The following CASP8 variants were observed in gnomAD, a reference collection of about 807,000 sequenced individuals.
CASP8 encodes the protein caspase 8.
CASP8 carries 24 observed loss-of-function variants against 46.3 expected under a neutral mutation model. The observed-to-expected ratio is 0.52, with a 90% CI of 0.38 to 0.73. The LOEUF is 0.73. Among genes scored for constraint, CASP8 ranks in the 30% least tolerant of loss-of-function variants. CASP8 has a pLI of 0.00. For synonymous variants in CASP8, 188 were observed against 200.4 expected, an observed-to-expected ratio of 0.94 and a Z score of 0.52; for missense variants, 460 against 559.0, an observed-to-expected ratio of 0.82 and a Z score of 1.79.
rs150532664 is a variant in CASP8 at position 201,247,444 on chromosome 2, G to A, written c.-27+13332G>A. Among the ~76,000 whole-genome samples the A allele has an allele frequency of 5.3e-3, 805 of 151,732 alleles. 3 individuals are homozygous for A. The highest frequency in any genetic ancestry group is 9.2e-3 in the Admixed American group (140 of 15,200). ...GACCCTCAGCTCCACATTTCCCCAG[G>A]GGCTGCAGGATTTCTCAGAATCCTC... On this transcript the variant is annotated intron_variant, in intron 2 of 6. Coordinates refer to the CASP8 transcript ENST00000264274.
At chr2:201,270,174 C>T (rs1355180851) in intron 2 of CASP8, among the ~76,000 whole-genome samples, 1 of 152,140 alleles carries the variant, frequency 6.6e-6, no homozygotes, top group Admixed American at 6.5e-5. Context: ...TTCACCTATT[C>T]GACAAGCATA....
rs2125248758 is a variant in CASP8, at chr2:201,272,505, G to A, written c.412-133G>A. ...GTAGCCTGCTGGCTGTGAGAGACCA[G>A]CAGAAACTGTCAGAAACTTGGGAAG... is the stretch of plus-strand genomic sequence containing the variant. On this transcript the variant is annotated intron_variant, in intron 3 of 8. Coordinates refer to ENST00000673742, the MANE Select transcript of CASP8 (RefSeq NM_001372051.1). This position sits in a 1 kb window ranked among gnomAD's most constrained non-coding sequence, Gnocchi z 4.4. The A allele has an allele frequency of 2.1e-6, 2 of 968,800 alleles. No individual in the cohort carries two copies. The highest frequency in any genetic ancestry group is 3.2e-6 in the Non-Finnish European group (2 of 627,360). 60.0% of individuals were successfully genotyped at this position (968,800 alleles called of 1,614,324 possible). A position where few individuals can be genotyped will look rare whatever the true frequency, so the allele number is the denominator to read the frequency against.
At chr2:201,271,822 G>A (rs1457565822) in intron 3 of CASP8, among the ~76,000 whole-genome samples, 1 of 150,948 alleles carries the variant, frequency 6.6e-6, no homozygotes, top group Non-Finnish European at 1.5e-5. Context: ...TTGGGAGCAA[G>A]GCAGAGTCAG....
At chr2:201,235,086 A>G (rs1353806254) in intron 2 of CASP8, among the ~76,000 whole-genome samples, 1 of 152,348 alleles carries the variant, frequency 6.6e-6, no homozygotes, top group East Asian at 1.9e-4. Flanking sequence ...CAAATCTTGT[A>G]TAACTCTACT....
intron 1 of CASP8, among the ~76,000 whole-genome samples, chr2:201,264,345 T>G (rs1156268834): frequency 6.6e-6 from 1 of 152,198 alleles, no homozygotes; most frequent in Admixed American, 6.5e-5. Flanking sequence ...TTTTATATTT[T>G]GACAGAGATG....
At chr2:201,264,991 A>AG in intron 1 of CASP8, among the ~76,000 whole-genome samples, 1 of 152,148 alleles carries the variant, frequency 6.6e-6, no homozygotes, top group Non-Finnish European at 1.5e-5. Flanking sequence ...GGGTGGGAGT[A>AG]GGGGATGAGT....
intron 2 of CASP8, among the ~76,000 whole-genome samples, chr2:201,239,889 A>T (rs1020051821): frequency 6.6e-6 from 1 of 152,202 alleles, no homozygotes; most frequent in Non-Finnish European, 1.5e-5. Context: ...AGTGAAACCA[A>T]GTTCCTGAGA....
At chr2:201,257,460 C>T (rs1192662608), upstream of CASP8, among the ~76,000 whole-genome samples, 4 of 136,794 alleles carry the variant, frequency 2.9e-5, no homozygotes, top group South Asian at 9.4e-4. Context: ...GTTGCCTGGG[C>T]AACGCACCGA....
chr2:201,265,164 C>G (rs1369637522), intron 1 of CASP8, among the ~76,000 whole-genome samples: 3 of 152,130 alleles, frequency 2.0e-5, no homozygotes, highest in African/African-American at 7.2e-5. Context: ...CTTAAAAACT[C>G]AAAATCTTTA....
chr2:201,239,755 A>T (rs934051344), intron 2 of CASP8, among the ~76,000 whole-genome samples: 1 of 152,138 alleles, frequency 6.6e-6, no homozygotes, highest in African/African-American at 2.4e-5. Flanking sequence ...GTGGCGGGCA[A>T]TCCTTACCCG....
At position 201,272,439 on chromosome 2, in the gene CASP8, TTCTG is replaced by T. The variant is rs1270559456; in HGVS notation, c.412-195_412-192del. Reference sequence around the variant, plus strand: ...CATGGCTTCTCCTTTATCCTCTCACTTCTGTCTTTCTGGGCCAGAAAACATGGAA... The same window carrying T: ...CATGGCTTCTCCTTTATCCTCTCACTTCTTTCTGGGCCAGAAAACATGGAA... On this transcript the variant is annotated intron_variant, in intron 3 of 8. Transcript: ENST00000673742. The surrounding 1 kb of genome is among the most constrained non-coding windows in gnomAD (Gnocchi z 4.4). Among the ~76,000 whole-genome samples, 1 of 152,164 alleles carries T rather than the reference TTCTG, an allele frequency of 6.6e-6. No homozygotes were observed. Among genetic ancestry groups the T allele is most frequent in the Non-Finnish European group, 1.5e-5 (1 of 68,022 alleles).
chr2:201,277,127 T>TATC, intron 7 of CASP8, 159 bp downstream of exon 7: 1 of 577,670 alleles, frequency 1.7e-6, no homozygotes, highest in East Asian at 2.9e-5. Flanking sequence ...CTTATACATT[T>TATC]ATCAGTTTCC....
intron 1 of CASP8, among the ~76,000 whole-genome samples, chr2:201,261,674 G>GAGGC (rs1426201813): frequency 2.6e-5 from 4 of 152,172 alleles, no homozygotes; most frequent in Admixed American, 6.5e-5. Context: ...CCCGCAGTCT[G>GAGGC]AGGCAGCCAG....
Position 201,286,880 on chromosome 2 carries a change from A to G in CASP8, c.*286A>G, listed in dbSNP as rs1949589794. On this transcript the variant is annotated 3_prime_UTR_variant, in exon 9 of 9. Transcript: ENST00000673742. Reference sequence around the variant, plus strand: ...GTGATCCACCCACCTCGGCCTCCCAAAGTGCTGGGATTACAGGCGTGAGCC... The same window carrying G: ...GTGATCCACCCACCTCGGCCTCCCAGAGTGCTGGGATTACAGGCGTGAGCC... 5.3e-6 allele frequency: 2 copies of G among 377,856 alleles called. No homozygotes were observed. Among genetic ancestry groups the G allele is most frequent in the East Asian group, 5.9e-5 (1 of 16,908 alleles). The allele number at this position is 377,856 out of a possible 1,614,324, so 23.4% of individuals were successfully genotyped here. A position where few individuals can be genotyped will look rare whatever the true frequency, so the allele number is the denominator to read the frequency against.
rs752277547 is a variant in CASP8 at position 201,285,360 on chromosome 2, T to TC, written c.1304+50dup. The TC allele has an allele frequency of 1.1e-5, 17 of 1,604,872 alleles. 1 individual carries two copies. The highest frequency in any genetic ancestry group is 6.7e-5 in the Admixed American group (4 of 59,916). On this transcript the variant is annotated intron_variant, in intron 8 of 8. Coordinates refer to ENST00000673742, the MANE Select transcript of CASP8 (RefSeq NM_001372051.1). ...AGCCCTCCTCACTGTTACACTACCTTCCCCCCCTACTCCATCACACTACTA... is the reference window on the plus strand; with the variant it reads ...AGCCCTCCTCACTGTTACACTACCTTCCCCCCCCTACTCCATCACACTACTA...
At position 201,272,019 on chromosome 2, in the gene CASP8, GTA is replaced by G. The variant is rs1302124410; in HGVS notation, c.411+401_411+402del. On this transcript the variant is annotated intron_variant, in intron 3 of 8. Transcript: ENST00000673742. This position sits in a 1 kb window ranked among gnomAD's most constrained non-coding sequence, Gnocchi z 4.4. ...CGTGTCTGTGTGTGCCTTTCTCTGT[GTA>G]TAGTGTGTGTCTGTATTTGTGTGTG... Among the ~76,000 whole-genome samples, 1 of 151,978 alleles carries G rather than the reference GTA, an allele frequency of 6.6e-6. No individual in the cohort carries two copies. Among genetic ancestry groups the G allele is most frequent in the Non-Finnish European group, 1.5e-5 (1 of 67,984 alleles).
chr2:201,236,582 T>C (rs934977439), intron 2 of CASP8, among the ~76,000 whole-genome samples: 1 of 152,198 alleles, frequency 6.6e-6, no homozygotes, highest in Non-Finnish European at 1.5e-5. Flanking sequence ...ATGAAAATTC[T>C]ATTAAAAAGT....
At chr2:201,243,648 A>G (rs571489442) in intron 2 of CASP8, among the ~76,000 whole-genome samples, 1 of 152,374 alleles carries the variant, frequency 6.6e-6, no homozygotes, top group African/African-American at 2.4e-5. Flanking sequence ...CATATGAATT[A>G]GGAAGTTCTG....
intron 7 of CASP8, among the ~76,000 whole-genome samples, chr2:201,280,781 A>G (rs1423089862): frequency 6.6e-6 from 1 of 152,236 alleles, no homozygotes; most frequent in Non-Finnish European, 1.5e-5. Flanking sequence ...AGAAGGATGC[A>G]GTGCTCTGGA....
Sources: gnomAD v4.1 joint callset for allele counts (sites outside exome capture counted in the v4.1 genomes callset) on GRCh38, gnomAD v4.1.1 for gene constraint, Gnocchi (gnomAD v3.1) non-coding constraint, MANE v1.5 for transcripts, NCBI Gene and HGNC (gene_info 2026-07-23, HGNC 2026-07-21) for gene names.